Variants in POM121 observed in about 807,000 individuals in gnomAD.
POM121 encodes the protein nuclear envelope pore membrane protein POM 121.
Under a neutral mutation model 81.3 loss-of-function variants are expected in POM121, and 32 were observed. The observed-to-expected ratio is 0.39, with a 90% CI of 0.30 to 0.53. POM121 has a LOEUF of 0.53. Among genes scored for constraint, POM121 ranks in the 20% least tolerant of loss-of-function variants. POM121 has a pLI of 0.66. For synonymous variants in POM121, 514 were observed against 694.2 expected (o/e 0.74, Z 4.08); for missense variants, 1,138 against 1,614.6 (o/e 0.70, Z 5.06).
chr7:72,931,199 A>G (rs1293394216), intron 5 of POM121, among the ~76,000 whole-genome samples: 5 of 152,136 alleles, frequency 3.3e-5, no homozygotes, highest in Non-Finnish European at 5.9e-5. Flanking sequence ...TTGATATGCA[A>G]ACTTTTCCAG....
In POM121 at chr7:72,926,885, C is replaced by G. The variant is rs782520501; in HGVS notation, c.944C>G (p.Ala315Gly). Residue 315 changes from alanine (A) to glycine (G), a missense_variant, in exon 3 of 13, where the codon GCC (alanine) becomes GGC (glycine). Around this residue, in one of 7 missense-constraint regions of POM121, gnomAD observed 646 missense variants for 633.5 expected, o/e 1.02. Coordinates refer to ENST00000434423, the MANE Select transcript of POM121 (RefSeq NM_001387691.1). The stretch of plus-strand genomic sequence containing the variant: ...TGTGCAAAGGAGACAGTACTGAGTG[C>G]CCTCAAAGAGAAGGAGAAGAAAAGG... ...DPCAKETVLS[A>G]LKEKEKKRTV... 3 of 1,613,804 alleles carry G rather than the reference C, an allele frequency of 1.9e-6. No individual in the cohort carries two copies. Among genetic ancestry groups the G allele is most frequent in the African/African-American group, 1.3e-5 (1 of 74,882 alleles).
rs116164279 is a variant in POM121, at chr7:72,926,882, G to A, written c.941G>A (p.Ser314Asn). The part of the protein sequence containing the change: ...PDPCAKETVL[S>N]ALKEKEKKRT... ...CCATGTGCAAAGGAGACAGTACTGAGTGCCCTCAAAGAGAAGGAGAAGAAA... is the reference window on the plus strand; with the variant it reads ...CCATGTGCAAAGGAGACAGTACTGAATGCCCTCAAAGAGAAGGAGAAGAAA... The change falls in exon 3 of 13, where the codon AGT (serine) becomes AAT (asparagine). Residue 314 changes from serine (S) to asparagine (N), a missense_variant. Coordinates refer to ENST00000434423, the MANE Select transcript of POM121 (RefSeq NM_001387691.1). 3,738 of 1,613,974 alleles carry A rather than the reference G, an allele frequency of 2.3e-3. 70 individuals are homozygous for A. In the African/African-American group the frequency reaches 0.045, roughly 20 times the overall value.
chr7:72,907,731 G>C (rs1283379163), intron 3 of POM121, among the ~76,000 whole-genome samples: 1 of 152,102 alleles, frequency 6.6e-6, no homozygotes, highest in Non-Finnish European at 1.5e-5. Flanking sequence ...GGCTGGTCTT[G>C]AGCTCCTGAC....
chr7:72,884,236 T>C (rs1326371287), intron 1 of POM121, among the ~76,000 whole-genome samples: 8 of 152,108 alleles, frequency 5.3e-5, no homozygotes, highest in African/African-American at 1.9e-4. Flanking sequence ...TATTCTCTAT[T>C]TGTTTATGTA....
At chr7:72,912,591 A>G (rs1221348524) in intron 3 of POM121, among the ~76,000 whole-genome samples, 3 of 152,140 alleles carry the variant, frequency 2.0e-5, no homozygotes, top group Admixed American at 6.5e-5. Flanking sequence ...CCTGGCCAAC[A>G]TGGTGAAACC....
chr7:72,927,667 C>A (rs1554497817), intron 3 of POM121, among the ~76,000 whole-genome samples: 3 of 150,348 alleles, frequency 2.0e-5, no homozygotes, highest in African/African-American at 7.4e-5. Context: ...CTGAGACTGC[C>A]ACCATACTCC....
chr7:72,909,299 A>G (rs1793579247), intron 3 of POM121, among the ~76,000 whole-genome samples: 1 of 152,178 alleles, frequency 6.6e-6, no homozygotes, highest in Non-Finnish European at 1.5e-5. Flanking sequence ...CCTATGCAAT[A>G]ATTCCAACAT....
At chr7:72,946,104 C>G (rs782608296) in intron 12 of POM121, 33 bp from the exon 13 acceptor site, 2 of 1,608,198 alleles carry the variant, frequency 1.2e-6, no homozygotes, top group Non-Finnish European at 1.7e-6. Context: ...CAGGTAGCAG[C>G]TGCCCTGATG....
chr7:72,917,182 T>G (rs1794366301), intron 4 of POM121, among the ~76,000 whole-genome samples: 1 of 152,248 alleles, frequency 6.6e-6, no homozygotes, highest in South Asian at 2.1e-4. Flanking sequence ...ATCATTTTCA[T>G]GTGTGGTCAC....
chr7:72,938,569 C>T (rs1796747819), intron 5 of POM121, 21 bp from the exon 6 acceptor site: 2 of 1,610,616 alleles, frequency 1.2e-6, no homozygotes, highest in Non-Finnish European at 1.7e-6. Context: ...CAGGCTCAGT[C>T]ATGTCCCTCT....
chr7:72,943,091 C>A lies in POM121; in HGVS notation c.3098C>A (p.Ala1033Asp), dbSNP rs1797282180. 1.9e-6 allele frequency: 3 copies of A among 1,613,704 alleles called. No individual in the cohort carries two copies. The highest frequency in any genetic ancestry group is 2.5e-6 in the Non-Finnish European group (3 of 1,179,820). Residue 1033 changes from alanine to aspartate, a missense_variant, in exon 11 of 13, where the codon GCC (alanine) becomes GAC (aspartate). Physicochemically the swap from Ala to Asp is moderately radical, Grantham distance 126. This residue lies in a region of POM121 where 336 missense variants were observed against 344.3 expected (regional missense o/e 0.98). Transcript: ENST00000434423. ...PTPIHPIFGG[A>D]THSAFGLKAT... ...CCCATCCATCCTATCTTTGGCGGTG[C>A]CACGCACTCGGCGTTTGGGTTGAAA...
Position 72,930,010 on chromosome 7 carries a change from T to G in POM121, c.1174T>G (p.Ser392Ala). The G allele has an allele frequency of 6.2e-7, 1 of 1,613,996 alleles. No individual in the cohort carries two copies. Among genetic ancestry groups the G allele is most frequent in the Non-Finnish European group, 8.5e-7 (1 of 1,179,862 alleles). Reference protein sequence around the residue: ...DDHLNKRSRSSSMSSLTGAYA... With the variant: ...DDHLNKRSRSASMSSLTGAYA... ...CCACTTGAATAAGAGATCCCGAAGC[T>G]CTTCCATGAGCTCCTTGACAGGCGC... is the stretch of plus-strand genomic sequence containing the variant. Residue 392 changes from serine to alanine, a missense_variant, in exon 5 of 13, where the codon TCT becomes GCT. Transcript: ENST00000434423.
chr7:72,925,088 G>T (rs1418122244), upstream of POM121: 6 of 1,387,280 alleles, frequency 4.3e-6, no homozygotes, highest in Non-Finnish European at 5.5e-6. Context: ...TGCACGCTGG[G>T]ATATTTAAGT....
chr7:72,879,896 G>A, intron 1 of POM121: 2 of 512,608 alleles, frequency 3.9e-6, no homozygotes, highest in Non-Finnish European at 7.8e-6. Context: ...GTAAGTCTTG[G>A]GTTTTCGGGC....
chr7:72,916,503 C>T (rs1375751165), intron 4 of POM121, among the ~76,000 whole-genome samples: 8 of 152,174 alleles, frequency 5.3e-5, no homozygotes, highest in African/African-American at 1.7e-4. Context: ...TCTGAGGTCT[C>T]TATTCTGTTC....
chr7:72,896,186 A>AAT (rs201509685), intron 3 of POM121, among the ~76,000 whole-genome samples: 22 of 151,228 alleles, frequency 1.5e-4, no homozygotes, highest in East Asian at 7.8e-4. Context: ...CCAGTTTAAA[A>AAT]ATATATATAT....
At position 72,939,319 on chromosome 7, in the gene POM121, T is replaced by G; in HGVS notation, c.1368-17T>G. The G allele has an allele frequency of 6.2e-7, 1 of 1,613,492 alleles. No individual in the cohort carries two copies. Among genetic ancestry groups the G allele is most frequent in the Non-Finnish European group, 8.5e-7 (1 of 1,179,644 alleles). ...AAGAAGCCTTTCTAGACTAAATTGT[T>G]CCTTTTTTCCTGACAGAGAAGAGGA... On this transcript the variant is annotated splice_polypyrimidine_tract_variant and intron_variant, in intron 6 of 12. Coordinates refer to ENST00000434423, the MANE Select transcript of POM121 (RefSeq NM_001387691.1).
In POM121 at chr7:72,946,073, G is replaced by C. The variant is rs1184029915; in HGVS notation, c.3653-64G>C. 8 of 1,583,500 alleles carry C rather than the reference G, an allele frequency of 5.1e-6. No individual in the cohort carries two copies. In the Admixed American group the frequency reaches 5.5e-5, roughly 11 times the overall value. ...TACTGGCCTGGCCTTCCAGAGATTT[G>C]GGCACCCAGAGTCAGAGTCTCAGGT... is the stretch of plus-strand genomic sequence containing the variant. On this transcript the variant is annotated intron_variant, in intron 12 of 12. Coordinates refer to ENST00000434423, the MANE Select transcript of POM121 (RefSeq NM_001387691.1).
chr7:72,888,868 A>G (rs1791012123), intron 1 of POM121, among the ~76,000 whole-genome samples: 1 of 152,070 alleles, frequency 6.6e-6, no homozygotes, highest in Non-Finnish European at 1.5e-5. Flanking sequence ...TTGTTTTTTT[A>G]AATCAGCTTT....
Sources: allele counts gnomAD v4.1 joint callset (sites outside exome capture counted in the v4.1 genomes callset), GRCh38; gene constraint gnomAD v4.1.1; regional missense constraint gnomAD v4.1.1; transcripts MANE v1.5; gene names NCBI Gene and HGNC (gene_info 2026-07-23, HGNC 2026-07-21).